Variants in DNAI4 observed in about 807,000 individuals in gnomAD.
DNAI4 encodes dynein axonemal intermediate chain 4, also known as WD repeat domain 78.
DNAI4 carries 85 observed loss-of-function variants against 105.8 expected under a neutral mutation model. The observed-to-expected ratio is 0.80, with a 90% CI of 0.67 to 0.96. The LOEUF is 0.96. Ranked by LOEUF, DNAI4 falls within the 40% of genes least tolerant of loss-of-function variation. The probability of loss-of-function intolerance (pLI) is 0.00; values close to 1 mark genes in which losing one functional copy is unlikely to be tolerated. For synonymous variants in DNAI4, 352 were observed against 331.5 expected, an observed-to-expected ratio of 1.06 and a Z score of -0.67; for missense variants, 1,014 against 1,005.6, an observed-to-expected ratio of 1.01 and a Z score of -0.11.
At chr1:66,816,017 C>T (rs888464458) in intron 16 of DNAI4, among the ~76,000 whole-genome samples, 1 of 152,052 alleles carries the variant, frequency 6.6e-6, no homozygotes. Context: ...TCACTTAATA[C>T]CTCCAGAGGG....
At position 66,890,117 on chromosome 1, in the gene DNAI4, G is replaced by T. The variant is rs1192177055; in HGVS notation, c.643+1037C>A. 1.3e-5 allele frequency: 2 copies of T among 152,168 alleles called. No individual in the cohort carries two copies. The highest frequency in any genetic ancestry group is 2.9e-5 in the Non-Finnish European group (2 of 68,080). 9.4% of individuals were successfully genotyped at this position (152,168 alleles called of 1,614,324 possible). A position where few individuals can be genotyped will look rare whatever the true frequency, so the allele number is the denominator to read the frequency against. The stretch of plus-strand genomic sequence containing the variant: ...AGCCCAGGAGTTCGAGACCAGCCTG[G>T]TCAACATAGTGAAAACCTCTATCTA... On this transcript the variant is annotated intron_variant, in intron 4 of 16. Transcript: ENST00000371026. This position sits in a 1 kb window ranked among gnomAD's most constrained non-coding sequence, Gnocchi z 4.1.
chr1:66,901,240 A>G (rs1342466784), intron 2 of DNAI4, among the ~76,000 whole-genome samples: 8 of 151,066 alleles, frequency 5.3e-5, no homozygotes, highest in Non-Finnish European at 8.9e-5. Context: ...TGCTTATTTC[A>G]TGTTATTTTG....
chr1:66,858,334 C>T (rs1009545541), intron 7 of DNAI4, among the ~76,000 whole-genome samples: 4 of 151,350 alleles, frequency 2.6e-5, no homozygotes, highest in African/African-American at 9.7e-5. Flanking sequence ...CCGAGACCAT[C>T]CCAGCTAACA....
At chr1:66,872,418 G>A (rs770614919) in intron 5 of DNAI4, among the ~76,000 whole-genome samples, 2 of 151,702 alleles carry the variant, frequency 1.3e-5, no homozygotes, top group Admixed American at 6.6e-5. Context: ...TAGTAGACAC[G>A]AGGTTTTACC....
At chr1:66,881,057 G>A (rs1647059141) in intron 4 of DNAI4, among the ~76,000 whole-genome samples, 2 of 152,232 alleles carry the variant, frequency 1.3e-5, no homozygotes, top group South Asian at 4.1e-4. Flanking sequence ...GAGCCTGTGA[G>A]TGCACAGATG....
chr1:66,911,044 C>CAGAG (rs1211698224), intron 1 of DNAI4, among the ~76,000 whole-genome samples: 1 of 152,148 alleles, frequency 6.6e-6, no homozygotes, highest in Non-Finnish European at 1.5e-5. Context: ...ATCCTACAGG[C>CAGAG]AGAGAGCTCA....
At chr1:66,866,836 TTATAAATTAAAATTAAAAATTA>T (rs1272127991) in intron 6 of DNAI4, among the ~76,000 whole-genome samples, 2 of 152,198 alleles carry the variant, frequency 1.3e-5, no homozygotes, top group Admixed American at 1.3e-4. Flanking sequence ...CCAAGGGTAA[TTATAAATTAAAATTAAAAATTA>T]CCAAGGGTAA....
intron 4 of DNAI4, among the ~76,000 whole-genome samples, chr1:66,876,362 T>C (rs142346839): frequency 1.3e-5 from 2 of 152,146 alleles, no homozygotes; most frequent in African/African-American, 2.4e-5. Context: ...AGATCTTCCT[T>C]TGCAATTTAG....
chr1:66,824,990 TG>T (rs1478303997), intron 15 of DNAI4, among the ~76,000 whole-genome samples: 1 of 152,162 alleles, frequency 6.6e-6, no homozygotes, highest in Non-Finnish European at 1.5e-5. Context: ...CAGCCTGCAC[TG>T]CAGATTTCAT....
rs1030836763 is a variant in DNAI4 at position 66,888,157 on chromosome 1, T to A, written c.643+2997A>T. On this transcript the variant is annotated intron_variant, in intron 4 of 16. Coordinates refer to ENST00000371026, the MANE Select transcript of DNAI4 (RefSeq NM_024763.5). ...TGCAAATAAATGTTTCCTTGCCACC[T>A]GTGTAGGTAGCAAAATATTTATCAG... Among the ~76,000 whole-genome samples, 9 of 152,136 alleles carry A rather than the reference T, an allele frequency of 5.9e-5. No individual in the cohort carries two copies. The East Asian group carries it at 1.5e-3, about 26-fold the overall frequency.
chr1:66,870,287 C>T (rs1646814351), intron 6 of DNAI4, among the ~76,000 whole-genome samples: 1 of 151,278 alleles, frequency 6.6e-6, no homozygotes, highest in Non-Finnish European at 1.5e-5. Flanking sequence ...ACTAAAAATA[C>T]AAAAATTAGC....
chr1:66,856,521 G>A (rs573643829), intron 7 of DNAI4, among the ~76,000 whole-genome samples: 4 of 151,426 alleles, frequency 2.6e-5, no homozygotes, highest in Non-Finnish European at 4.4e-5. Context: ...ATAGTTAATC[G>A]ATTATCAACA....
chr1:66,840,113 T>C (rs1032317145), intron 9 of DNAI4, among the ~76,000 whole-genome samples: 2 of 152,174 alleles, frequency 1.3e-5, no homozygotes, highest in African/African-American at 4.8e-5. Context: ...TAATATAAAT[T>C]TGGGCTCATC....
chr1:66,874,350 C>A (rs1030927692), intron 5 of DNAI4, among the ~76,000 whole-genome samples: 2 of 152,016 alleles, frequency 1.3e-5, no homozygotes, highest in Non-Finnish European at 2.9e-5. Flanking sequence ...ATTTTGCCTT[C>A]CTAAGTTTTA....
chr1:66,905,918 CTT>C (rs34206774), intron 1 of DNAI4, among the ~76,000 whole-genome samples: 2 of 96,404 alleles, frequency 2.1e-5, no homozygotes, highest in African/African-American at 4.0e-5. Flanking sequence ...TTATATACTA[CTT>C]TTTTTTTTTT....
intron 4 of DNAI4, among the ~76,000 whole-genome samples, chr1:66,887,609 T>G: frequency 6.6e-6 from 1 of 152,142 alleles, no homozygotes; most frequent in Non-Finnish European, 1.5e-5. Context: ...AACTTATTAT[T>G]AAATAAATCA....
chr1:66,922,975 A>G (rs1650615186), intron 1 of DNAI4, among the ~76,000 whole-genome samples: 1 of 152,212 alleles, frequency 6.6e-6, no homozygotes, highest in South Asian at 2.1e-4. Flanking sequence ...TAACCCAGCA[A>G]TACCAATACA....
At chr1:66,902,272 G>T (rs1569848086) in intron 2 of DNAI4, among the ~76,000 whole-genome samples, 1 of 152,010 alleles carries the variant, frequency 6.6e-6, no homozygotes, top group Non-Finnish European at 1.5e-5. Context: ...GGTATGAAGT[G>T]GTGTCTTACT....
At chr1:66,920,042 T>C (rs1030395047) in intron 1 of DNAI4, among the ~76,000 whole-genome samples, 1 of 152,148 alleles carries the variant, frequency 6.6e-6, no homozygotes, top group African/African-American at 2.4e-5. Flanking sequence ...AGTGAGAACA[T>C]ACATCTGTGT....
Sources: gnomAD v4.1 joint callset for allele counts (sites outside exome capture counted in the v4.1 genomes callset) on GRCh38, gnomAD v4.1.1 for gene constraint, Gnocchi (gnomAD v3.1) non-coding constraint, MANE v1.5 for transcripts, NCBI Gene and HGNC (gene_info 2026-07-23, HGNC 2026-07-21) for gene names.